Variants in DENND5B observed in about 807,000 individuals in gnomAD.
The protein encoded by DENND5B is DENN domain-containing protein 5B.
A neutral mutation model predicts 140.6 loss-of-function variants in DENND5B; 34 were observed. The ratio of observed to expected loss-of-function variants is 0.24; its 90% confidence interval spans 0.18 to 0.32. The LOEUF is 0.32. Ranked by LOEUF, DENND5B falls within the 10% of genes least tolerant of loss-of-function variation. The pLI, the probability that DENND5B is intolerant of heterozygous loss-of-function variation, is 1.00. For synonymous variants in DENND5B, 551 were observed against 562.1 expected, an observed-to-expected ratio of 0.98 and a Z score of 0.28; for missense variants, 1,142 against 1,560.2, an observed-to-expected ratio of 0.73 and a Z score of 4.52.
intron 1 of DENND5B, among the ~76,000 whole-genome samples, chr12:31,552,814 G>A (rs1181347383): frequency 2.0e-5 from 3 of 152,172 alleles, no homozygotes; most frequent in Admixed American, 2.0e-4. Context: ...ATGTGTCAAG[G>A]AATTTATCCG....
intron 1 of DENND5B, among the ~76,000 whole-genome samples, chr12:31,574,288 TAA>T (rs1949930051): frequency 1.4e-5 from 2 of 144,262 alleles, no homozygotes; most frequent in African/African-American, 5.1e-5. Flanking sequence ...ATAATAATAA[TAA>T]TAATAATTTA....
chr12:31,472,297 A>G (rs999189744), intron 3 of DENND5B, among the ~76,000 whole-genome samples: 37 of 152,112 alleles, frequency 2.4e-4, no homozygotes, highest in African/African-American at 8.9e-4. Context: ...GGACTGAAAC[A>G]AAAGTCTTTT....
chr12:31,535,180 T>G (rs867821686), intron 1 of DENND5B: 5 of 295,250 alleles, frequency 1.7e-5, no homozygotes, highest in Middle Eastern at 1.0e-3. Context: ...GCAAGTACTG[T>G]GCAGGGGTGT....
At chr12:31,390,597 T>C (rs708219) in intron 19 of DENND5B, among the ~76,000 whole-genome samples, 51,563 of 151,512 alleles carry the variant, frequency 0.34, 9,975 homozygotes, top group Non-Finnish European at 0.46. Context: ...GATCACACCA[T>C]TGTACTCCAG....
At chr12:31,417,927 C>A (rs1017603178) in intron 11 of DENND5B, among the ~76,000 whole-genome samples, 35 of 152,126 alleles carry the variant, frequency 2.3e-4, no homozygotes, top group African/African-American at 8.2e-4. Context: ...GGCTGGGATA[C>A]AATACCAAAA....
rs1028906289 is a variant in DENND5B, at chr12:31,382,946, C to T, written c.*4657G>A. 23 of 152,192 alleles carry T rather than the reference C, an allele frequency of 1.5e-4. No individual in the cohort carries two copies. Among genetic ancestry groups the T allele is most frequent in the African/African-American group, 5.3e-4 (22 of 41,546 alleles). The allele number at this position is 152,192 out of a possible 1,614,324, so 9.4% of individuals were successfully genotyped here. On this transcript the variant is annotated 3_prime_UTR_variant, in exon 21 of 21. Coordinates refer to ENST00000389082, the MANE Select transcript of DENND5B (RefSeq NM_144973.4). ...GGACCTAGTAGTTTATTATCCTTTT[C>T]TGTCTCCTATTTATGCTAAACAGTA...
intron 1 of DENND5B, among the ~76,000 whole-genome samples, chr12:31,560,857 T>C (rs1298710758): frequency 6.6e-6 from 1 of 152,182 alleles, no homozygotes; most frequent in Non-Finnish European, 1.5e-5. Flanking sequence ...CTTTCTTAAG[T>C]CTTTGTTCAA....
At chr12:31,521,585 G>A (rs919909593) in intron 1 of DENND5B, among the ~76,000 whole-genome samples, 4 of 152,148 alleles carry the variant, frequency 2.6e-5, no homozygotes, top group African/African-American at 9.7e-5. Flanking sequence ...TATACAAGAT[G>A]CCTACATAAA....
At chr12:31,445,907 G>A (rs1944254784) in intron 6 of DENND5B, among the ~76,000 whole-genome samples, 2 of 151,378 alleles carry the variant, frequency 1.3e-5, no homozygotes, top group Admixed American at 6.6e-5. Flanking sequence ...TCCCCAGGAG[G>A]CTGTGGTAGG....
At position 31,537,836 on chromosome 12, in the gene DENND5B, T is replaced by C. The variant is rs73297869; in HGVS notation, c.128-41917A>G. ...AATCAAAAAAGACTAGGAGTAGCTA[T>C]ACGTATATCAGACGAAATAGATTTC... On this transcript the variant is annotated intron_variant, in intron 1 of 20. Coordinates refer to ENST00000389082, the MANE Select transcript of DENND5B (RefSeq NM_144973.4). 5.6e-3 allele frequency among the ~76,000 whole-genome samples: 851 copies of C among 152,230 alleles called. 17 individuals carry two copies. The highest frequency in any genetic ancestry group is 0.02 in the African/African-American group (828 of 41,528).
At chr12:31,536,551 A>G (rs1329502312) in intron 1 of DENND5B, among the ~76,000 whole-genome samples, 1 of 152,058 alleles carries the variant, frequency 6.6e-6, no homozygotes, top group Non-Finnish European at 1.5e-5. Flanking sequence ...AAAGAGTAAG[A>G]ATGAAGTACA....
chr12:31,520,056 T>C (rs1287212764), intron 1 of DENND5B, among the ~76,000 whole-genome samples: 1 of 152,226 alleles, frequency 6.6e-6, no homozygotes, highest in Non-Finnish European at 1.5e-5. Context: ...TTATAGTGTT[T>C]AGGCAATAAA....
In DENND5B at chr12:31,533,837, T is replaced by A. The variant is rs575436588; in HGVS notation, c.128-37918A>T. 7.2e-5 allele frequency among the ~76,000 whole-genome samples: 11 copies of A among 152,132 alleles called. No homozygotes were observed. The South Asian group carries it at 2.3e-3, about 32-fold the overall frequency. ...TGGATGAAACACCTAGCTAACTGCTTTCCTAAAAATTATCTATTGTCTAAA... is the reference window on the plus strand; with the variant it reads ...TGGATGAAACACCTAGCTAACTGCTATCCTAAAAATTATCTATTGTCTAAA... On this transcript the variant is annotated intron_variant, in intron 1 of 20. Transcript: ENST00000389082.
chr12:31,576,156 A>ACAG (rs1555176282), intron 1 of DENND5B, among the ~76,000 whole-genome samples: 1 of 131,184 alleles, frequency 7.6e-6, no homozygotes, highest in Non-Finnish European at 1.6e-5. Context: ...AAAAAAAAAA[A>ACAG]AAGAAGAATG....
intron 13 of DENND5B, among the ~76,000 whole-genome samples, chr12:31,410,659 C>T (rs546868171): frequency 6.6e-6 from 1 of 152,112 alleles, no homozygotes; most frequent in African/African-American, 2.4e-5. Context: ...CCCACTTTGG[C>T]CTCTCAAAGT....
intron 1 of DENND5B, among the ~76,000 whole-genome samples, chr12:31,571,000 A>C (rs1282356720): frequency 1.3e-5 from 2 of 152,140 alleles, no homozygotes; most frequent in African/African-American, 2.4e-5. Flanking sequence ...ATTCTGCTGC[A>C]TGAAAAGGGA....
chr12:31,513,280 A>G (rs527666423), intron 1 of DENND5B, among the ~76,000 whole-genome samples: 11 of 152,324 alleles, frequency 7.2e-5, no homozygotes, highest in African/African-American at 2.6e-4. Context: ...CACTTGGCTA[A>G]GATAGTGTTC....
chr12:31,557,273 A>T (rs1413449364), intron 1 of DENND5B, among the ~76,000 whole-genome samples: 1 of 152,234 alleles, frequency 6.6e-6, no homozygotes, highest in African/African-American at 2.4e-5. Context: ...ATCTCTAAAC[A>T]GTTGAGTTGC....
chr12:31,471,459 G>GTCT (rs1473528095), intron 3 of DENND5B, among the ~76,000 whole-genome samples: 1 of 100,706 alleles, frequency 9.9e-6, no homozygotes, highest in South Asian at 3.4e-4. Flanking sequence ...CACCATGCCT[G>GTCT]TATTTTTTTT....
Sources: gnomAD v4.1 joint callset for allele counts (sites outside exome capture counted in the v4.1 genomes callset) on GRCh38, gnomAD v4.1.1 for gene constraint, MANE v1.5 for transcripts, NCBI Gene and HGNC (gene_info 2026-07-23, HGNC 2026-07-21) for gene names.